TYW1: variants seen among roughly 807,000 people sequenced by gnomAD.
The protein encoded by TYW1 is tRNA-yW synthesizing protein 1 homolog, also known as S-adenosyl-L-methionine-dependent tRNA 4-demethylwyosine synthase TYW1.
A neutral mutation model predicts 96.2 loss-of-function variants in TYW1; 46 were observed. The ratio of observed to expected loss-of-function variants is 0.48; its 90% CI spans 0.38 to 0.61. The LOEUF is 0.61. Among genes scored for constraint, TYW1 ranks in the 20% least tolerant of loss-of-function variants. The probability of loss-of-function intolerance (pLI) is 0.00; values close to 1 mark genes in which losing one functional copy is unlikely to be tolerated. For synonymous variants in TYW1, 274 were observed against 323.0 expected, an observed-to-expected ratio of 0.85 and a Z score of 1.63; for missense variants, 684 against 909.6, an observed-to-expected ratio of 0.75 and a Z score of 3.19.
At position 67,093,042 on chromosome 7, in the gene TYW1, C is replaced by A. The variant is rs1227748567; in HGVS notation, c.1385-5499C>A. ...ATTAGCCAAGTGTGGTGGCATATGCCTGTGGTCCTAGCACCTGAGGAGGCA... is the reference window on the plus strand; with the variant it reads ...ATTAGCCAAGTGTGGTGGCATATGCATGTGGTCCTAGCACCTGAGGAGGCA... On this transcript the variant is annotated intron_variant, in intron 11 of 15. Transcript: ENST00000359626. Among the ~76,000 whole-genome samples, 3 of 152,192 alleles carry A rather than the reference C, an allele frequency of 2.0e-5. No individual in the cohort carries two copies. In the East Asian group the frequency reaches 5.8e-4, roughly 29 times the overall value.
chr7:67,120,513 A>G (rs533233966), intron 13 of TYW1, among the ~76,000 whole-genome samples: 2 of 152,294 alleles, frequency 1.3e-5, no homozygotes, highest in South Asian at 2.1e-4. Flanking sequence ...AGTTAAATCC[A>G]TGCTTTCTTT....
Position 67,032,892 on chromosome 7 carries a change from T to G in TYW1, c.984+7870T>G, listed in dbSNP as rs1368355992. 9.4e-5 allele frequency among the ~76,000 whole-genome samples: 11 copies of G among 117,192 alleles called. 1 individual carries two copies. The East Asian group carries it at 1.9e-3, about 20-fold the overall frequency. The allele number at this position is 117,192 out of a possible 152,430, so 76.9% of individuals were successfully genotyped here. A position where few individuals can be genotyped will look rare whatever the true frequency, so the allele number is the denominator to read the frequency against. ...AGCAGCAGAGAAGTATACCTTTTTT[T>G]TTTTTTTTTTTTTTTTTTTTTTGAG... is the stretch of plus-strand genomic sequence containing the variant. On this transcript the variant is annotated intron_variant, in intron 7 of 15. Transcript: ENST00000359626.
At chr7:67,225,664 G>C (rs1801539358) in intron 15 of TYW1, among the ~76,000 whole-genome samples, 5 of 151,992 alleles carry the variant, frequency 3.3e-5, no homozygotes. Flanking sequence ...ATTGCTCCCA[G>C]CAGCAGTTGC....
intron 1 of TYW1, 73 bp downstream of exon 1, chr7:66,997,055 C>A (rs1793191534): frequency 1.3e-5 from 21 of 1,603,692 alleles, no homozygotes; most frequent in Non-Finnish European, 1.8e-5. Context: ...CCTCTCCGGG[C>A]GGAGTGGCGT....
chr7:67,208,623 GAGGTTGC>G (rs1471296593), intron 15 of TYW1, among the ~76,000 whole-genome samples: 1 of 150,796 alleles, frequency 6.6e-6, no homozygotes, highest in East Asian at 2.0e-4. Flanking sequence ...CCGTGAGGCG[GAGGTTGC>G]AGTGAGCCGA....
At chr7:67,180,423 TA>T (rs1554386318) in intron 13 of TYW1, among the ~76,000 whole-genome samples, 356 of 76,530 alleles carry the variant, frequency 4.7e-3, no homozygotes, top group African/African-American at 0.022. Flanking sequence ...TATATATATA[TA>T]ATTTTTTTTT....
At chr7:67,027,301 A>G (rs1562972175) in intron 7 of TYW1, among the ~76,000 whole-genome samples, 1 of 152,212 alleles carries the variant, frequency 6.6e-6, no homozygotes, top group Non-Finnish European at 1.5e-5. Flanking sequence ...AAAAAATCAT[A>G]TAGATAGTAG....
intron 10 of TYW1, among the ~76,000 whole-genome samples, chr7:67,073,865 G>A (rs1386689628): frequency 1.3e-5 from 2 of 150,104 alleles, no homozygotes; most frequent in African/African-American, 2.5e-5. Context: ...GGCAGATCAC[G>A]AGGTCAGGAG....
chr7:67,145,952 A>G (rs1384628527), intron 13 of TYW1, among the ~76,000 whole-genome samples: 14 of 151,820 alleles, frequency 9.2e-5, no homozygotes, highest in Non-Finnish European at 2.1e-4. Flanking sequence ...TTTTTTTTAG[A>G]GACAGAGTTT....
chr7:67,139,601 T>C (rs1278639129), intron 13 of TYW1, among the ~76,000 whole-genome samples: 1 of 152,154 alleles, frequency 6.6e-6, no homozygotes, highest in African/African-American at 2.4e-5. Flanking sequence ...AAAGTTGGCC[T>C]TCTCTATTCA....
chr7:67,167,456 G>A lies in TYW1; in HGVS notation c.1699-15670G>A, dbSNP rs192706691. 3.6e-3 allele frequency among the ~76,000 whole-genome samples: 380 copies of A among 105,940 alleles called. 1 individual carries two copies. The highest frequency in any genetic ancestry group is 0.014 in the African/African-American group (369 of 26,424). 69.5% of individuals were successfully genotyped at this position (105,940 alleles called of 152,430 possible). On this transcript the variant is annotated intron_variant, in intron 13 of 15. Coordinates refer to ENST00000359626, the MANE Select transcript of TYW1 (RefSeq NM_018264.4). ...TGCACTCCAGCCTGGGCGACAGAGA[G>A]AGACTCTGTCTCAAAAAAAAAAAAA...
intron 12 of TYW1, among the ~76,000 whole-genome samples, chr7:67,115,665 ATATCTGCCTG>A (rs1797570777): frequency 6.6e-6 from 1 of 152,160 alleles, no homozygotes; most frequent in South Asian, 2.1e-4. Flanking sequence ...AGTAGCTTTA[ATATCTGCCTG>A]TGTGGCTGGA....
intron 13 of TYW1, among the ~76,000 whole-genome samples, chr7:67,151,051 C>CTTCA (rs1166783780): frequency 7.0e-6 from 1 of 142,758 alleles, no homozygotes; most frequent in Admixed American, 6.9e-5. Flanking sequence ...TATTCTTCTT[C>CTTCA]TTTTTTTTTT....
At chr7:67,020,245 G>A (rs1438747751) in intron 6 of TYW1, among the ~76,000 whole-genome samples, 2 of 152,270 alleles carry the variant, frequency 1.3e-5, no homozygotes, top group African/African-American at 2.4e-5. Flanking sequence ...TAGACAGGAT[G>A]GTGGCTCAGG....
chr7:67,014,615 G>T (rs532613958), intron 5 of TYW1, 54 bp downstream of exon 5: 18 of 1,550,240 alleles, frequency 1.2e-5, no homozygotes, highest in Middle Eastern at 1.7e-4. Flanking sequence ...ACACACACAC[G>T]CACACACACG....
intron 15 of TYW1, among the ~76,000 whole-genome samples, chr7:67,225,520 C>A (rs571472701): frequency 6.6e-6 from 1 of 152,102 alleles, no homozygotes; most frequent in Non-Finnish European, 1.5e-5. Context: ...GGAAGAAGAG[C>A]TATCACCACC....
At chr7:67,124,994 C>T (rs1263544108) in intron 13 of TYW1, among the ~76,000 whole-genome samples, 2 of 152,086 alleles carry the variant, frequency 1.3e-5, no homozygotes, top group African/African-American at 4.8e-5. Context: ...CCACCATGCC[C>T]AGCTAATTTT....
intron 10 of TYW1, among the ~76,000 whole-genome samples, chr7:67,076,392 C>G (rs146067898): frequency 2.6e-5 from 4 of 152,242 alleles, no homozygotes; most frequent in African/African-American, 9.6e-5. Context: ...CACTGGGGAA[C>G]AAGCATTTCT....
intron 7 of TYW1, among the ~76,000 whole-genome samples, chr7:67,037,394 C>G (rs1794872973): frequency 6.6e-6 from 1 of 151,264 alleles, no homozygotes; most frequent in African/African-American, 2.4e-5. Context: ...ATCCCAGCTA[C>G]TTGGGAGACT....
Sources: gnomAD v4.1 joint callset for allele counts (sites outside exome capture counted in the v4.1 genomes callset) on GRCh38, gnomAD v4.1.1 for gene constraint, MANE v1.5 for transcripts, NCBI Gene and HGNC (gene_info 2026-07-23, HGNC 2026-07-21) for gene names.